The following DYM variants were observed in gnomAD, a reference collection of about 807,000 sequenced individuals.
DYM encodes the protein dymeclin, also known as dyggve-Melchior-Clausen syndrome protein.
A neutral mutation model predicts 93.1 loss-of-function variants in DYM; 78 were observed. The ratio of observed to expected loss-of-function variants is 0.84; its 90% CI spans 0.70 to 1.01. DYM has a LOEUF of 1.01. Among genes scored for constraint, DYM ranks in the 50% least tolerant of loss-of-function variants. The pLI is 0.00. For synonymous variants in DYM, 321 were observed against 319.7 expected, an observed-to-expected ratio of 1.00 and a Z score of -0.04; for missense variants, 789 against 845.0, an observed-to-expected ratio of 0.93 and a Z score of 0.82.
At chr18:49,094,274 A>T (rs2079347695) in intron 17 of DYM, among the ~76,000 whole-genome samples, 1 of 152,198 alleles carries the variant, frequency 6.6e-6, no homozygotes, top group Non-Finnish European at 1.5e-5. Context: ...CTGACCCATC[A>T]CCATGACATT....
intron 16 of DYM, among the ~76,000 whole-genome samples, chr18:49,115,180 C>G (rs2081816976): frequency 6.6e-6 from 1 of 152,082 alleles, no homozygotes; most frequent in Non-Finnish European, 1.5e-5. Flanking sequence ...AAGTGCTTAG[C>G]AAGTATGCAA....
At chr18:49,361,184 C>T (rs532963270) in intron 6 of DYM, among the ~76,000 whole-genome samples, 36 of 152,254 alleles carry the variant, frequency 2.4e-4, no homozygotes, top group African/African-American at 7.7e-4. Context: ...GCAGGAGCTC[C>T]GGTTGAATGG....
chr18:49,083,598 A>C (rs1025641035), intron 17 of DYM, among the ~76,000 whole-genome samples: 1 of 152,176 alleles, frequency 6.6e-6, no homozygotes, highest in Non-Finnish European at 1.5e-5. Flanking sequence ...TTCTTTGCAA[A>C]AACTATTTAC....
intron 6 of DYM, among the ~76,000 whole-genome samples, chr18:49,358,914 C>T (rs1326054458): frequency 2.6e-5 from 4 of 152,136 alleles, no homozygotes; most frequent in Non-Finnish European, 4.4e-5. Context: ...CATTTCTTAA[C>T]AAAACAGCAT....
intron 2 of DYM, among the ~76,000 whole-genome samples, chr18:49,421,939 A>G (rs1346695469): frequency 6.6e-6 from 1 of 152,222 alleles, no homozygotes; most frequent in Non-Finnish European, 1.5e-5. Flanking sequence ...ATGAAGCAAG[A>G]AGAGAAGTTT....
In DYM at chr18:49,407,487, A is replaced by G. The variant is rs571338871; in HGVS notation, c.141-15842T>C. Among the ~76,000 whole-genome samples the G allele has an allele frequency of 2.5e-3, 379 of 152,340 alleles. 2 individuals are homozygous for G. Among genetic ancestry groups the G allele is most frequent in the Non-Finnish European group, 4.5e-3 (306 of 68,036 alleles). ...TCTGGTAAGGCCTCAGGAAGCTTAC[A>G]ATCATTGCAGAAGGTGAAGGAGGAG... On this transcript the variant is annotated intron_variant, in intron 2 of 17. Coordinates refer to ENST00000675505, the MANE Select transcript of DYM (RefSeq NM_001353214.3).
Position 49,065,683 on chromosome 18 carries a change from A to T in DYM, c.2026-21479T>A, listed in dbSNP as rs532263876. The stretch of plus-strand genomic sequence containing the variant: ...GGCCTCAATTTTTTTTTTTAACTAC[A>T]TGCTTGTAGTAAAATCAAATATATT... On this transcript the variant is annotated intron_variant, in intron 17 of 17. Transcript: ENST00000675505. Among the ~76,000 whole-genome samples the T allele has an allele frequency of 2.6e-5, 4 of 152,166 alleles. No individual in the cohort carries two copies. The East Asian group carries it at 5.8e-4, about 22-fold the overall frequency.
chr18:49,459,271 A>C (rs930750617), intron 1 of DYM, among the ~76,000 whole-genome samples: 1 of 152,196 alleles, frequency 6.6e-6, no homozygotes, highest in African/African-American at 2.4e-5. Context: ...CCTAACCTCT[A>C]AAAGACTAGT....
chr18:49,430,301 A>T lies in DYM; in HGVS notation c.94T>A (p.Phe32Ile). Residue 32 changes from phenylalanine to isoleucine, a missense_variant, in exon 2 of 18, where the codon TTC becomes ATC. Transcript: ENST00000675505. ...GTESISENDP[F>I]WNQLLSFSFP... The stretch of plus-strand genomic sequence containing the variant: ...GAAAATGAGAGAAGCTGATTCCAGA[A>T]CGGGTCATTCTCAGAGATAGATTCC... 1 of 1,614,100 alleles carries T rather than the reference A, an allele frequency of 6.2e-7. No homozygotes were observed. The highest frequency in any genetic ancestry group is 8.5e-7 in the Non-Finnish European group (1 of 1,180,012).
intron 14 of DYM, among the ~76,000 whole-genome samples, chr18:49,172,571 A>G (rs1344297113): frequency 2.6e-5 from 4 of 152,110 alleles, no homozygotes; most frequent in East Asian, 3.8e-4. Context: ...GTCTATTCAA[A>G]TCTTTGCCCA....
intron 16 of DYM, among the ~76,000 whole-genome samples, chr18:49,112,201 G>C (rs2081485798): frequency 6.7e-6 from 1 of 149,888 alleles, no homozygotes; most frequent in Non-Finnish European, 1.5e-5. Flanking sequence ...AGGTCTGGCA[G>C]GGGAATGATG....
intron 17 of DYM, among the ~76,000 whole-genome samples, chr18:49,056,890 C>T (rs1424550427): frequency 6.6e-6 from 1 of 152,162 alleles, no homozygotes; most frequent in Non-Finnish European, 1.5e-5. Context: ...CATGTTTTTG[C>T]CACATTGTCC....
intron 17 of DYM, among the ~76,000 whole-genome samples, chr18:49,064,342 T>C (rs1222545312): frequency 6.6e-6 from 1 of 152,264 alleles, no homozygotes; most frequent in Non-Finnish European, 1.5e-5. Flanking sequence ...ATTTCAATTA[T>C]TTTAAGCTAA....
At chr18:49,315,130 G>A (rs867982018) in intron 8 of DYM, among the ~76,000 whole-genome samples, 2 of 151,766 alleles carry the variant, frequency 1.3e-5, no homozygotes, top group African/African-American at 2.4e-5. Flanking sequence ...TGGGAGGATC[G>A]CTTAAGCCCG....
intron 2 of DYM, among the ~76,000 whole-genome samples, chr18:49,399,119 A>G (rs1419879681): frequency 2.6e-5 from 4 of 152,206 alleles, no homozygotes; most frequent in Non-Finnish European, 5.9e-5. Flanking sequence ...CTCTGCCTCC[A>G]GGCTACATGG....
intron 5 of DYM, among the ~76,000 whole-genome samples, chr18:49,371,983 G>C (rs75006213): frequency 0.036 from 5,522 of 152,240 alleles, 326 homozygotes; most frequent in African/African-American, 0.12. Flanking sequence ...TATTACAATG[G>C]ATTGGAATAA....
At chr18:49,222,635 T>C (rs1191887676) in intron 13 of DYM, among the ~76,000 whole-genome samples, 1 of 151,914 alleles carries the variant, frequency 6.6e-6, no homozygotes, top group Non-Finnish European at 1.5e-5. Context: ...TGAACAGAGG[T>C]TCATAATAAA....
intron 14 of DYM, among the ~76,000 whole-genome samples, chr18:49,198,122 A>C (rs1341917097): frequency 1.2e-4 from 19 of 152,286 alleles, no homozygotes; most frequent in Middle Eastern, 3.4e-3. Context: ...CAAAAACAAG[A>C]AATGGGGAAA....
rs184785182 is a variant in DYM, at chr18:49,433,596, G to C, written c.-53-3149C>G. 2.0e-5 allele frequency among the ~76,000 whole-genome samples: 3 copies of C among 152,256 alleles called. No individual in the cohort carries two copies. In the East Asian group the frequency reaches 5.8e-4, roughly 29 times the overall value. ...TTTATTAGTTATAAATAAGGAAGTA[G>C]GGCCAGGTGTGGTATTATCCCAACA... On this transcript the variant is annotated intron_variant, in intron 1 of 17. Transcript: ENST00000675505.
Sources: allele counts gnomAD v4.1 joint callset (sites outside exome capture counted in the v4.1 genomes callset), GRCh38; gene constraint gnomAD v4.1.1; transcripts MANE v1.5; gene names NCBI Gene and HGNC (gene_info 2026-07-23, HGNC 2026-07-21).